Variants in CERS3 observed in about 807,000 individuals in gnomAD.
CERS3 encodes ceramide synthase 3.
In CERS3, 33 loss-of-function variants were observed where a neutral mutation model predicts 50.3. The ratio of observed to expected loss-of-function variants is 0.66; its 90% confidence interval spans 0.50 to 0.88. The LOEUF (loss-of-function observed/expected upper bound fraction) is 0.88, where lower values mean the gene tolerates loss of function less well. Among genes scored for constraint, CERS3 ranks in the 40% least tolerant of loss-of-function variants. The pLI, the probability that CERS3 is intolerant of heterozygous loss-of-function variation, is 0.00. For missense variants in CERS3, 470 were observed against 460.3 expected (o/e 1.02, Z -0.19); for synonymous variants, 176 against 155.2 (o/e 1.13, Z -0.99).
intron 11 of CERS3, among the ~76,000 whole-genome samples, chr15:100,446,193 C>T (rs1476556070): frequency 2.0e-5 from 3 of 152,076 alleles, no homozygotes; most frequent in Non-Finnish European, 4.4e-5. Flanking sequence ...TTCACACAGA[C>T]GTGCATGAAA....
intron 4 of CERS3, among the ~76,000 whole-genome samples, chr15:100,488,479 A>G (rs2035550541): frequency 6.6e-6 from 1 of 152,224 alleles, no homozygotes; most frequent in Non-Finnish European, 1.5e-5. Flanking sequence ...ATAATTAAGC[A>G]AAGTGCTATC....
intron 11 of CERS3, among the ~76,000 whole-genome samples, chr15:100,450,474 T>C (rs1169009163): frequency 1.3e-5 from 2 of 149,714 alleles, no homozygotes; most frequent in Non-Finnish European, 3.0e-5. Flanking sequence ...TTTCAGAACT[T>C]GAAGACAGGT....
chr15:100,403,036 A>C (rs2030680432), intron 11 of CERS3, among the ~76,000 whole-genome samples, 171 bp from the exon 12 acceptor site: 1 of 152,218 alleles, frequency 6.6e-6, no homozygotes, highest in Non-Finnish European at 1.5e-5. Flanking sequence ...CAACCTTAAC[A>C]AACCTAAATA....
chr15:100,530,862 C>CT (rs1316282793), upstream of CERS3, among the ~76,000 whole-genome samples: 1 of 152,038 alleles, frequency 6.6e-6, no homozygotes, highest in African/African-American at 2.4e-5. Flanking sequence ...GTGGGAGGAT[C>CT]CCTTGAGGTC....
At chr15:100,483,349 G>C (rs2654639) in intron 5 of CERS3, among the ~76,000 whole-genome samples, 119,188 of 152,176 alleles carry the variant, frequency 0.78, 48,385 homozygotes, top group East Asian at 0.93. Context: ...CGGTAACCAC[G>C]ACTCACATGT....
In CERS3 at chr15:100,400,434, C is replaced by G. The variant is rs967308683; in HGVS notation, c.*2279G>C. 8 of 152,202 alleles carry G rather than the reference C, an allele frequency of 5.3e-5. No individual in the cohort carries two copies. Among genetic ancestry groups the G allele is most frequent in the African/African-American group, 1.7e-4 (7 of 41,448 alleles). The allele number at this position is 152,202 out of a possible 1,614,324, so 9.4% of individuals were successfully genotyped here. A position where few individuals can be genotyped will look rare whatever the true frequency, so the allele number is the denominator to read the frequency against. On this transcript the variant is annotated 3_prime_UTR_variant, in exon 12 of 12. Transcript: ENST00000679737. ...GGCTTTATTGTAGTCATTACTGTTACAATATTGATAGCACTGTGGACTGCA... is the reference window on the plus strand; with the variant it reads ...GGCTTTATTGTAGTCATTACTGTTAGAATATTGATAGCACTGTGGACTGCA...
intron 3 of CERS3, among the ~76,000 whole-genome samples, chr15:100,493,662 G>A (rs1395483144): frequency 2.6e-5 from 4 of 152,042 alleles, no homozygotes; most frequent in African/African-American, 9.7e-5. Flanking sequence ...TTCCCATTAT[G>A]TGTATGTTGG....
At chr15:100,424,229 C>T (rs904170306) in intron 11 of CERS3, among the ~76,000 whole-genome samples, 7 of 152,294 alleles carry the variant, frequency 4.6e-5, no homozygotes, top group Non-Finnish European at 7.3e-5. Context: ...GTGTGAGCCA[C>T]CATGCCTGGC....
At chr15:100,515,776 T>C (rs1244672935) in intron 2 of CERS3, among the ~76,000 whole-genome samples, 1 of 152,184 alleles carries the variant, frequency 6.6e-6, no homozygotes, top group African/African-American at 2.4e-5. Flanking sequence ...TTTAGGAATG[T>C]AAAATGTAAG....
intron 2 of CERS3, among the ~76,000 whole-genome samples, chr15:100,519,673 A>G (rs1028571924): frequency 6.6e-6 from 1 of 152,174 alleles, no homozygotes; most frequent in African/African-American, 2.4e-5. Flanking sequence ...CTAGTACACA[A>G]GGTTGGGAAT....
chr15:100,406,943 G>A (rs2031084798), intron 11 of CERS3, among the ~76,000 whole-genome samples: 1 of 152,218 alleles, frequency 6.6e-6, no homozygotes, highest in Admixed American at 6.5e-5. Context: ...GGCAAAGAGA[G>A]AGAGAGAGCT....
rs375031075 is a variant in CERS3 at position 100,462,514 on chromosome 15, T to C, written c.846-6468A>G. 3.3e-4 allele frequency among the ~76,000 whole-genome samples: 50 copies of C among 152,360 alleles called. 1 individual carries two copies. In the South Asian group the frequency reaches 9.3e-3, roughly 28 times the overall value. ...AACAATTATCTACCTCAGTGATCTC[T>C]TAAGTTTCTAAATGACTGGGTAGTT... On this transcript the variant is annotated intron_variant, in intron 10 of 11. Coordinates refer to ENST00000679737, the MANE Select transcript of CERS3 (RefSeq NM_001378789.1).
At chr15:100,419,640 C>T (rs1442072670) in intron 11 of CERS3, among the ~76,000 whole-genome samples, 2 of 150,966 alleles carry the variant, frequency 1.3e-5, no homozygotes, top group Non-Finnish European at 2.9e-5. Flanking sequence ...TTTTTTTCAG[C>T]ACCACACCAC....
chr15:100,497,671 G>A (rs574663808), intron 3 of CERS3, among the ~76,000 whole-genome samples: 2 of 152,118 alleles, frequency 1.3e-5, no homozygotes, highest in South Asian at 4.2e-4. Flanking sequence ...AGGGTCATGT[G>A]AGAAATAGCA....
chr15:100,406,965 A>T (rs146458510), intron 11 of CERS3, among the ~76,000 whole-genome samples: 1 of 151,586 alleles, frequency 6.6e-6, no homozygotes, highest in Non-Finnish European at 1.5e-5. Context: ...GTGCAGGGGA[A>T]CTCCTCTTTT....
intron 11 of CERS3, among the ~76,000 whole-genome samples, chr15:100,434,868 A>T (rs1167027832): frequency 6.6e-6 from 1 of 152,176 alleles, no homozygotes. Context: ...TCCTTTCAGG[A>T]TTACATAAAA....
chr15:100,490,829 C>G lies in CERS3; in HGVS notation c.276G>C (p.Arg92Ser). The change falls in exon 4 of 12, where the codon AGG becomes AGC. Residue 92 changes from arginine to serine, a missense_variant. By Grantham distance (110) the Arg-to-Ser change is moderately radical. Transcript: ENST00000679737. ...AATTTGTACTTACTTGCAATGGTTG[C>G]CTTGTGGAATGTTTGAAAAAATTCT... Reference protein sequence around the residue: ...VLENFFKHSTRQPLQTDIYGL... With the variant: ...VLENFFKHSTSQPLQTDIYGL... 1 of 1,601,864 alleles carries G rather than the reference C, an allele frequency of 6.2e-7. No individual in the cohort carries two copies. The highest frequency in any genetic ancestry group is 8.6e-7 in the Non-Finnish European group (1 of 1,169,516).
In CERS3 at chr15:100,501,664, A is replaced by T; in HGVS notation, c.173+13T>A. ...GAGGGGGAATGGGAAGGAAAGACAC[A>T]AGTACTACTTACTTTTCAAATACAC... is the stretch of plus-strand genomic sequence containing the variant. On this transcript the variant is annotated intron_variant, in intron 3 of 11. Coordinates refer to ENST00000679737, the MANE Select transcript of CERS3 (RefSeq NM_001378789.1). 6.2e-7 allele frequency: 1 copy of T among 1,601,814 alleles called. No homozygotes were observed. The highest frequency in any genetic ancestry group is 8.6e-7 in the Non-Finnish European group (1 of 1,168,924).
At chr15:100,449,271 G>A (rs1005626917) in intron 11 of CERS3, among the ~76,000 whole-genome samples, 7 of 152,298 alleles carry the variant, frequency 4.6e-5, no homozygotes, top group South Asian at 2.1e-4. Context: ...GGGACTGGCC[G>A]TCCTATCCCA....
Sources: allele counts gnomAD v4.1 joint callset (sites outside exome capture counted in the v4.1 genomes callset), GRCh38; gene constraint gnomAD v4.1.1; transcripts MANE v1.5; gene names NCBI Gene and HGNC (gene_info 2026-07-23, HGNC 2026-07-21).